Variants in PRAMEF26 observed in about 807,000 individuals in gnomAD.
The protein encoded by PRAMEF26 is PRAME family member 26.
At chr1:13,155,805 C>G (rs1375356324) in intron 1 of PRAMEF26, 79 bp downstream of exon 1, 3 of 100,126 alleles carry the variant, frequency 3.0e-5, no homozygotes, top group African/African-American at 2.1e-4. Context: ...TCTGTGCCAT[C>G]GTAGGCTGCA....
At chr1:13,150,483 TG>T (rs1642970328) in intron 3 of PRAMEF26, 3 of 65,554 alleles carry the variant, frequency 4.6e-5, no homozygotes, top group East Asian at 6.2e-4. Flanking sequence ...GTGGGCGGGC[TG>T]CAGGCGTCCC....
intron 1 of PRAMEF26, chr1:13,155,544 C>T (rs1450259516): frequency 2.7e-5 from 2 of 74,734 alleles, no homozygotes; most frequent in Non-Finnish European, 4.9e-5. Flanking sequence ...AAAAAAAAAA[C>T]GTTGTGTAGA....
rs1318685104 is a variant in PRAMEF26, at chr1:13,155,746, T to G, written c.-17+138A>C. The G allele has an allele frequency of 9.1e-5, 9 of 99,304 alleles. 2 individuals carry two copies. Among genetic ancestry groups the G allele is most frequent in the African/African-American group, 2.3e-4 (3 of 13,154 alleles). 6.2% of individuals were successfully genotyped at this position (99,304 alleles called of 1,614,324 possible). On this transcript the variant is annotated intron_variant, in intron 1 of 3. Coordinates refer to ENST00000624207, the MANE Select transcript of PRAMEF26 (RefSeq NM_001306072.3). ...ACAGAACTCTATTTAGAGGAAAACA[T>G]TCAAAGCTTCAAATTGTTCATATGA... is the stretch of plus-strand genomic sequence containing the variant.
At chr1:13,150,320 C>T (rs1278562497) in intron 3 of PRAMEF26, 3 of 161,200 alleles carry the variant, frequency 1.9e-5, no homozygotes, top group East Asian at 2.0e-4. Flanking sequence ...GTCATTTCAC[C>T]ATCATTTATA....
intron 1 of PRAMEF26, chr1:13,155,561 T>C (rs1642998837): frequency 4.6e-5 from 3 of 65,862 alleles, no homozygotes; most frequent in South Asian, 1.0e-3. Flanking sequence ...TAGAGGAGGG[T>C]TTTTGTCATG....
intron 1 of PRAMEF26, chr1:13,155,238 C>G (rs1418073002): frequency 4.8e-5 from 7 of 145,394 alleles, no homozygotes; most frequent in Non-Finnish European, 9.2e-5. Flanking sequence ...AAAGTAGAGG[C>G]CAAGCACCAG....
intron 1 of PRAMEF26, chr1:13,155,098 C>A (rs1191475528): frequency 7.6e-6 from 1 of 131,468 alleles, no homozygotes; most frequent in Non-Finnish European, 1.7e-5. Flanking sequence ...GGCTGGAGTA[C>A]AGCAGTGGTG....
chr1:13,155,380 C>T (rs1404527256), intron 1 of PRAMEF26: 1 of 101,078 alleles, frequency 9.9e-6, no homozygotes, highest in Non-Finnish European at 2.0e-5. Flanking sequence ...ATTAGCCAGG[C>T]ATGGTTTCAG....
At chr1:13,155,175 T>A (rs1458701826) in intron 1 of PRAMEF26, 1 of 143,116 alleles carries the variant, frequency 7.0e-6, no homozygotes, top group African/African-American at 2.5e-5. Flanking sequence ...GCCACCCAAA[T>A]AGCTGGGGCT....
intron 1 of PRAMEF26, chr1:13,155,040 T>C (rs1465760806): frequency 1.1e-5 from 1 of 91,672 alleles, no homozygotes; most frequent in Non-Finnish European, 2.3e-5. Flanking sequence ...TCCTTTTTTG[T>C]TAAGATGTTG....
chr1:13,150,608 C>A (rs1299456440), intron 3 of PRAMEF26: 9 of 9,132 alleles, frequency 9.9e-4, no homozygotes, highest in African/African-American at 2.1e-3. Flanking sequence ...TTACCTGGAG[C>A]TCAAAAGAAA....
At chr1:13,155,756 C>A in intron 1 of PRAMEF26, 128 bp downstream of exon 1, 1 of 100,890 alleles carries the variant, frequency 9.9e-6, no homozygotes, top group African/African-American at 7.2e-5. Context: ...TTCAAAGCTT[C>A]AAATTGTTCA....
chr1:13,150,457 T>G (rs1458878623), intron 3 of PRAMEF26: 2 of 65,818 alleles, frequency 3.0e-5, no homozygotes, highest in African/African-American at 8.6e-5. Flanking sequence ...GACAGGATCC[T>G]GCAACATCAG....
intron 1 of PRAMEF26, chr1:13,155,312 C>T (rs1415650700): frequency 1.3e-3 from 166 of 131,310 alleles, no homozygotes; most frequent in African/African-American, 4.1e-3. Flanking sequence ...TGAGGTCAGG[C>T]GTTTGAGACC....
chr1:13,155,104 T>C (rs1432763231), intron 1 of PRAMEF26: 1 of 132,582 alleles, frequency 7.5e-6, no homozygotes, highest in Non-Finnish European at 1.7e-5. Flanking sequence ...AGTACAGCAG[T>C]GGTGTGAGCA....
intron 1 of PRAMEF26, chr1:13,154,968 C>T (rs1313562600): frequency 1.4e-5 from 1 of 71,868 alleles, no homozygotes; most frequent in Non-Finnish European, 2.8e-5. Context: ...GCATGCACCC[C>T]CACACTCATG....
chr1:13,155,277 G>A (rs1250293789), intron 1 of PRAMEF26: 1 of 139,720 alleles, frequency 7.2e-6, no homozygotes, highest in Non-Finnish European at 1.6e-5. Context: ...CCAGCATTTT[G>A]GGAGGCCAAG....
At chr1:13,155,173 A>G (rs1163381624) in intron 1 of PRAMEF26, 1 of 145,160 alleles carries the variant, frequency 6.9e-6, no homozygotes, top group African/African-American at 2.5e-5. Context: ...CAGCCACCCA[A>G]ATAGCTGGGG....
chr1:13,150,368 T>C (rs1642969152), intron 3 of PRAMEF26: 2 of 105,166 alleles, frequency 1.9e-5, no homozygotes, highest in Non-Finnish European at 4.1e-5. Context: ...AAAGCTCCCT[T>C]TCCTCATCTG....
Sources: gnomAD v4.1 joint callset for allele counts on GRCh38, gnomAD v4.1.1 for gene constraint, MANE v1.5 for transcripts, NCBI Gene and HGNC (gene_info 2026-07-23, HGNC 2026-07-21) for gene names.